Variants in TMTC4 observed in about 807,000 individuals in gnomAD.
TMTC4 encodes transmembrane O-mannosyltransferase targeting cadherins 4.
In TMTC4, 65 loss-of-function variants were observed where a neutral mutation model predicts 86.0. The observed-to-expected ratio is 0.76, with a 90% confidence interval of 0.62 to 0.93. The LOEUF (loss-of-function observed/expected upper bound fraction) is 0.93, where lower values mean the gene tolerates loss of function less well. Among genes scored for constraint, TMTC4 ranks in the 40% least tolerant of loss-of-function variants. The probability of loss-of-function intolerance (pLI) is 0.00; values close to 1 mark genes in which losing one functional copy is unlikely to be tolerated. For missense variants in TMTC4, 866 were observed against 948.1 expected, an observed-to-expected ratio of 0.91 and a Z score of 1.14; for synonymous variants, 379 against 382.5, an observed-to-expected ratio of 0.99 and a Z score of 0.11.
chr13:100,653,541 G>A lies in TMTC4; in HGVS notation c.640+2840C>T, dbSNP rs1237774132. Among the ~76,000 whole-genome samples the A allele has an allele frequency of 2.0e-5, 3 of 152,244 alleles. No homozygotes were observed. The East Asian group carries it at 5.8e-4, about 29-fold the overall frequency. ...GGGGTCAGAGACCTGTTCACATGTG[G>A]GACACAGGGGACTCCCCCAAGTAAG... On this transcript the variant is annotated intron_variant, in intron 6 of 18. Transcript: ENST00000342624.
At chr13:100,671,826 G>C (rs1315787319) in intron 1 of TMTC4, among the ~76,000 whole-genome samples, 1 of 145,200 alleles carries the variant, frequency 6.9e-6, no homozygotes, top group African/African-American at 2.5e-5. Context: ...GGGATTTACT[G>C]TTAACGTACA....
chr13:100,609,755 GTTGTGCATTTTT>G (rs1478375515), intron 17 of TMTC4, among the ~76,000 whole-genome samples: 1 of 151,740 alleles, frequency 6.6e-6, no homozygotes, highest in Non-Finnish European at 1.5e-5. Context: ...AAATTAAGTT[GTTGTGCATTTTT>G]TTGTATCACC....
At chr13:100,655,580 G>A (rs778415128) in intron 6 of TMTC4, among the ~76,000 whole-genome samples, 60 of 152,238 alleles carry the variant, frequency 3.9e-4, no homozygotes, top group Middle Eastern at 3.4e-3. Context: ...TGTGTCTCTT[G>A]GGAGATTTGT....
At chr13:100,614,840 A>C (rs570542209) in intron 15 of TMTC4, 13 of 839,554 alleles carry the variant, frequency 1.5e-5, no homozygotes, top group Non-Finnish European at 1.9e-5. Context: ...TTTTTCACTA[A>C]AGACTTCATA....
At position 100,613,183 on chromosome 13, in the gene TMTC4, T is replaced by C. The variant is rs144769282; in HGVS notation, c.1952-673A>G. On this transcript the variant is annotated intron_variant, in intron 16 of 18. Coordinates refer to ENST00000342624, the MANE Select transcript of TMTC4 (RefSeq NM_032813.5). The stretch of plus-strand genomic sequence containing the variant: ...GTCACCCTACTGTGCAGTGGAACAC[T>C]AGAACTGACTCCTATCTGTGTTTGT... 2.1e-3 allele frequency among the ~76,000 whole-genome samples: 327 copies of C among 152,302 alleles called. 1 individual carries two copies. The highest frequency in any genetic ancestry group is 7.5e-3 in the African/African-American group (311 of 41,568).
In TMTC4 at chr13:100,652,740, G is replaced by A. The variant is rs561873011; in HGVS notation, c.640+3641C>T. Among the ~76,000 whole-genome samples the A allele has an allele frequency of 2.0e-5, 3 of 152,236 alleles. No homozygotes were observed. In the South Asian group the frequency reaches 6.2e-4, roughly 32 times the overall value. ...TGCCTGCTATGAGGGGTACAGGAAG[G>A]AAAAAGTCAACAGGAAAGGAAGGAG... On this transcript the variant is annotated intron_variant, in intron 6 of 18. Coordinates refer to ENST00000342624, the MANE Select transcript of TMTC4 (RefSeq NM_032813.5).
intron 6 of TMTC4, among the ~76,000 whole-genome samples, chr13:100,645,199 T>A (rs1215928187): frequency 6.6e-6 from 1 of 151,922 alleles, no homozygotes; most frequent in Admixed American, 6.5e-5. Context: ...AAGGCCTTGC[T>A]GAAGTGGCCA....
intron 1 of TMTC4, among the ~76,000 whole-genome samples, chr13:100,671,718 C>T (rs1404223608): frequency 6.6e-6 from 1 of 152,164 alleles, no homozygotes; most frequent in Non-Finnish European, 1.5e-5. Context: ...GCTGTGACTC[C>T]CCTGCTTCTC....
At chr13:100,614,211 T>A (rs1566562600) in intron 16 of TMTC4, 105 bp downstream of exon 16, 6 of 822,000 alleles carry the variant, frequency 7.3e-6, no homozygotes, top group African/African-American at 5.2e-5. Flanking sequence ...AATTTTTTTT[T>A]AAACTCAGTA....
At chr13:100,667,873 G>A (rs1398389966) in intron 3 of TMTC4, among the ~76,000 whole-genome samples, 104 of 152,294 alleles carry the variant, frequency 6.8e-4, no homozygotes, top group Non-Finnish European at 2.6e-4. Context: ...TAGCCTGCTT[G>A]AATCTTTTTC....
rs542690821 is a variant in TMTC4, at chr13:100,604,222, C to T, written c.*772G>A. On this transcript the variant is annotated 3_prime_UTR_variant, in exon 19 of 19. Coordinates refer to ENST00000342624, the MANE Select transcript of TMTC4 (RefSeq NM_032813.5). ...TACACAGATGTGTTGCCCTCTTCAC[C>T]TTGGATGTAACAAAAATAAAGATGT... is the stretch of plus-strand genomic sequence containing the variant. The T allele has an allele frequency of 6.5e-6, 1 of 152,726 alleles. No homozygotes were observed. The highest frequency in any genetic ancestry group is 2.4e-5 in the African/African-American group (1 of 41,556). 9.5% of individuals were successfully genotyped at this position (152,726 alleles called of 1,614,324 possible). A position where few individuals can be genotyped will look rare whatever the true frequency, so the allele number is the denominator to read the frequency against.
At chr13:100,646,188 G>T (rs910675655) in intron 6 of TMTC4, among the ~76,000 whole-genome samples, 2 of 152,130 alleles carry the variant, frequency 1.3e-5, no homozygotes, top group African/African-American at 4.8e-5. Context: ...AAGGCAGGGT[G>T]CACCCTCTTG....
At chr13:100,674,851 C>CCCGACCCCCCCCGCGCCGCGCCT, upstream of TMTC4, 1 of 973,582 alleles carries the variant, frequency 1.0e-6, no homozygotes, top group Non-Finnish European at 1.2e-6. Flanking sequence ...CCGCCGCGCA[C>CCCGACCCCCCCCGCGCCGCGCCT]CCGACCCCCC....
At chr13:100,641,867 C>A (rs1193470399) in intron 7 of TMTC4, among the ~76,000 whole-genome samples, 1 of 152,198 alleles carries the variant, frequency 6.6e-6, no homozygotes, top group Non-Finnish European at 1.5e-5. Context: ...CCTAGGTGAT[C>A]TAGGACTGCT....
At chr13:100,612,324 G>T in intron 17 of TMTC4, 74 bp downstream of exon 17, 2 of 1,163,370 alleles carry the variant, frequency 1.7e-6, no homozygotes, top group Non-Finnish European at 1.2e-6. Context: ...ATTTAACTGG[G>T]CAGAAGTAAC....
chr13:100,616,951 C>T (rs1311498763), intron 15 of TMTC4, among the ~76,000 whole-genome samples: 1 of 152,294 alleles, frequency 6.6e-6, no homozygotes, highest in East Asian at 1.9e-4. Context: ...TTCTCCCATT[C>T]TGTAGGTCGT....
intron 12 of TMTC4, among the ~76,000 whole-genome samples, chr13:100,629,388 C>A (rs555564601): frequency 2.8e-4 from 42 of 152,196 alleles, no homozygotes; most frequent in African/African-American, 1.0e-3. Context: ...GTGTTGCGTG[C>A]TGTGTGATCG....
chr13:100,607,244 T>C (rs2153020892), intron 17 of TMTC4, among the ~76,000 whole-genome samples: 1 of 152,292 alleles, frequency 6.6e-6, no homozygotes, highest in South Asian at 2.1e-4. Flanking sequence ...ATGCTGGGCA[T>C]GGTGGCTCAT....
intron 6 of TMTC4, among the ~76,000 whole-genome samples, chr13:100,649,285 T>C (rs1408517112): frequency 6.6e-6 from 1 of 152,204 alleles, no homozygotes; most frequent in African/African-American, 2.4e-5. Context: ...TCTGGAAATA[T>C]GACCTGCTCC....
Sources: allele counts gnomAD v4.1 joint callset (sites outside exome capture counted in the v4.1 genomes callset), GRCh38; gene constraint gnomAD v4.1.1; transcripts MANE v1.5; gene names NCBI Gene and HGNC (gene_info 2026-07-23, HGNC 2026-07-21).